Variants in SORL1 observed in about 807,000 individuals in gnomAD.
SORL1 encodes sortilin-related receptor.
SORL1 carries 127 observed loss-of-function variants against 273.7 expected under a neutral mutation model. That is an observed-to-expected ratio of 0.46 (90% CI 0.40 to 0.54). The LOEUF is 0.54. Among genes scored for constraint, SORL1 ranks in the 20% least tolerant of loss-of-function variants. The pLI, the probability that SORL1 is intolerant of heterozygous loss-of-function variation, is 0.00. For synonymous variants in SORL1, 1,031 were observed against 1,067.4 expected (o/e 0.97, Z 0.66); for missense variants, 2,494 against 2,846.1 (o/e 0.88, Z 2.81).
chr11:121,575,099 T>C (rs1862907780), intron 24 of SORL1, among the ~76,000 whole-genome samples: 1 of 152,196 alleles, frequency 6.6e-6, no homozygotes, highest in South Asian at 2.1e-4. Context: ...ATGATAGAGA[T>C]TCTCTGGTCC....
chr11:121,557,148 A>G (rs1862599143), intron 18 of SORL1, 166 bp from the exon 19 acceptor site: 2 of 643,788 alleles, frequency 3.1e-6, no homozygotes, highest in South Asian at 3.6e-5. Flanking sequence ...GGAACAGCGC[A>G]TTGTGACTAG....
intron 24 of SORL1, among the ~76,000 whole-genome samples, chr11:121,576,455 C>T (rs1179505775): frequency 2.0e-5 from 3 of 152,228 alleles, no homozygotes; most frequent in African/African-American, 2.4e-5. Flanking sequence ...TTAATTACCT[C>T]ACAGGGGTCC....
At chr11:121,522,484 GC>G in intron 9 of SORL1, 101 bp from the exon 10 acceptor site, 2 of 850,050 alleles carry the variant, frequency 2.4e-6, no homozygotes. Context: ...AGGCCTCCTT[GC>G]CCCGTGTCAG....
chr11:121,489,445 C>T (rs1861519629), intron 4 of SORL1, among the ~76,000 whole-genome samples: 1 of 152,204 alleles, frequency 6.6e-6, no homozygotes, highest in African/African-American at 2.4e-5. Context: ...CTTTTGCCTA[C>T]TCTAGGTACC....
chr11:121,609,227 C>G (rs1343239919), intron 38 of SORL1: 5 of 152,210 alleles, frequency 3.3e-5, no homozygotes, highest in Non-Finnish European at 7.3e-5. Context: ...GGAATAGGCT[C>G]TGGGTCATGG....
At chr11:121,613,441 CCT>C (rs1314310949) in intron 40 of SORL1, among the ~76,000 whole-genome samples, 2 of 152,194 alleles carry the variant, frequency 1.3e-5, no homozygotes, top group Non-Finnish European at 2.9e-5. Context: ...GGAGCTTCTT[CCT>C]GTCTCCTCCT....
chr11:121,616,714 ATCTG>A (rs1863647596), intron 41 of SORL1, among the ~76,000 whole-genome samples: 1 of 152,192 alleles, frequency 6.6e-6, no homozygotes, highest in African/African-American at 2.4e-5. Context: ...GTGTTCTCCC[ATCTG>A]TCTGTCCTTT....
At chr11:121,468,666 C>A (rs947061917) in intron 1 of SORL1, among the ~76,000 whole-genome samples, 1 of 152,120 alleles carries the variant, frequency 6.6e-6, no homozygotes, top group African/African-American at 2.4e-5. Flanking sequence ...GGTGATCTGC[C>A]CGCCTTGGCC....
Position 121,545,247 on chromosome 11 carries a change from T to A in SORL1, c.1869T>A (p.Val623=). 6.2e-7 allele frequency: 1 copy of A among 1,614,120 alleles called. No homozygotes were observed. The highest frequency in any genetic ancestry group is 8.5e-7 in the Non-Finnish European group (1 of 1,179,966). ...GCTGTGTTCCTTTTTCTTTAGGAGTTCCCTGCACAGAGAATGACTACAAGC... is the reference window on the plus strand; with the variant it reads ...GCTGTGTTCCTTTTTCTTTAGGAGTACCCTGCACAGAGAATGACTACAAGC... ...LQVNATDALG[V]PCTENDYKLW... Residue 623 remains valine, a synonymous_variant, in exon 14 of 48, where the codon GTT becomes GTA. Transcript: ENST00000260197.
chr11:121,479,106 T>C (rs1337928462), intron 3 of SORL1, among the ~76,000 whole-genome samples: 1 of 152,128 alleles, frequency 6.6e-6, no homozygotes, highest in Non-Finnish European at 1.5e-5. Flanking sequence ...AGGCAGCAGA[T>C]ATTGCTATGC....
chr11:121,593,698 T>C (rs1357699952), intron 31 of SORL1, among the ~76,000 whole-genome samples: 1 of 152,206 alleles, frequency 6.6e-6, no homozygotes, highest in African/African-American at 2.4e-5. Flanking sequence ...GACACTGTGA[T>C]GACAGCTCTC....
intron 2 of SORL1, among the ~76,000 whole-genome samples, chr11:121,473,465 T>G (rs1861204974): frequency 1.3e-5 from 2 of 152,234 alleles, no homozygotes; most frequent in East Asian, 1.9e-4. Flanking sequence ...TAATAGATGT[T>G]TATCTCACCT....
chr11:121,564,762 C>A (rs969813652), intron 21 of SORL1, among the ~76,000 whole-genome samples: 1 of 151,314 alleles, frequency 6.6e-6, no homozygotes, highest in Non-Finnish European at 1.5e-5. Context: ...TTTGTGGAGG[C>A]GGTCTTCACT....
rs1591359773 is a variant in SORL1, at chr11:121,627,346, T to C, written c.6365-209T>C. On this transcript the variant is annotated intron_variant, in intron 46 of 47. Transcript: ENST00000260197. This position sits in a 1 kb window ranked among gnomAD's most constrained non-coding sequence, Gnocchi z 4.9. Reference sequence around the variant, plus strand: ...GTCTAATGTAATTACCATATTTGCATGCACAAGGCCCTTGGTCTATCAGCT... The same window carrying C: ...GTCTAATGTAATTACCATATTTGCACGCACAAGGCCCTTGGTCTATCAGCT... 8 of 587,736 alleles carry C rather than the reference T, an allele frequency of 1.4e-5. No homozygotes were observed. The East Asian group carries it at 2.3e-4, about 17-fold the overall frequency. 36.4% of individuals were successfully genotyped at this position (587,736 alleles called of 1,614,324 possible). A position where few individuals can be genotyped will look rare whatever the true frequency, so the allele number is the denominator to read the frequency against.
chr11:121,455,542 T>A (rs1047523692), intron 1 of SORL1, among the ~76,000 whole-genome samples: 1 of 152,256 alleles, frequency 6.6e-6, no homozygotes, highest in Non-Finnish European at 1.5e-5. Context: ...TTCCTCTGCT[T>A]CGCTAATGTC....
rs1591334026 is a variant in SORL1 at position 121,574,807 on chromosome 11, A to C, written c.3460+444A>C. Among the ~76,000 whole-genome samples the C allele has an allele frequency of 1.3e-5, 2 of 152,120 alleles. 1 individual carries two copies. The highest frequency in any genetic ancestry group is 4.1e-4 in the South Asian group (2 of 4,826). On this transcript the variant is annotated intron_variant, in intron 24 of 47. Coordinates refer to ENST00000260197, the MANE Select transcript of SORL1 (RefSeq NM_003105.6). ...CCCTGCTTTGCCTTGGAGAGATGCT[A>C]TAAGGATGAAAGGTGATGGTAAGGA...
At chr11:121,509,041 A>G (rs1248641756) in intron 6 of SORL1, among the ~76,000 whole-genome samples, 2 of 151,948 alleles carry the variant, frequency 1.3e-5, no homozygotes, top group Non-Finnish European at 2.9e-5. Flanking sequence ...ACCTCTCCTT[A>G]GCTATCTACT....
At position 121,619,939 on chromosome 11, in the gene SORL1, G is replaced by A. The variant is rs1228532327; in HGVS notation, c.5889+22G>A. ...CTTGGTGAGTGGGTTGGGCTTCCAG[G>A]CCTCTTTGTTTATTCCTGGCCTGGT... On this transcript the variant is annotated intron_variant, in intron 43 of 47. Coordinates refer to ENST00000260197, the MANE Select transcript of SORL1 (RefSeq NM_003105.6). The A allele has an allele frequency of 3.1e-6, 5 of 1,605,470 alleles. No individual in the cohort carries two copies. The South Asian group carries it at 5.5e-5, about 18-fold the overall frequency.
chr11:121,621,096 A>G lies in SORL1; in HGVS notation c.5922A>G (p.Arg1974=), dbSNP rs2134948094. Residue 1974 remains arginine (R), a synonymous_variant, in exon 44 of 48, where the codon AGA becomes AGG. Transcript: ENST00000260197. ...CAGTTGCAGTCAAAGATCTCATAAGAAAGACTGACAGGAGCTACAAAGTAA... is the reference window on the plus strand; with the variant it reads ...CAGTTGCAGTCAAAGATCTCATAAGGAAGACTGACAGGAGCTACAAAGTAA... The part of the protein sequence containing the change: ...LYAVAVKDLI[R]KTDRSYKVKS... 6.2e-7 allele frequency: 1 copy of G among 1,612,960 alleles called. No individual in the cohort carries two copies. Among genetic ancestry groups the G allele is most frequent in the East Asian group, 2.2e-5 (1 of 44,866 alleles).
Sources: allele counts gnomAD v4.1 joint callset (sites outside exome capture counted in the v4.1 genomes callset), GRCh38; gene constraint gnomAD v4.1.1; non-coding constraint Gnocchi (gnomAD v3.1); transcripts MANE v1.5; gene names NCBI Gene and HGNC (gene_info 2026-07-23, HGNC 2026-07-21).